The following MED12L variants were observed in gnomAD, a reference collection of about 807,000 sequenced individuals.
MED12L encodes mediator complex subunit 12L.
Under a neutral mutation model 281.3 loss-of-function variants are expected in MED12L, and 60 were observed. The observed-to-expected ratio is 0.21, with a 90% CI of 0.17 to 0.26. The LOEUF (loss-of-function observed/expected upper bound fraction) is 0.26. Among genes scored for constraint, MED12L ranks in the 10% least tolerant of loss-of-function variants. The probability of loss-of-function intolerance (pLI) is 1.00; values close to 1 mark genes in which losing one functional copy is unlikely to be tolerated. For synonymous variants in MED12L, 974 were observed against 987.2 expected, an observed-to-expected ratio of 0.99 and a Z score of 0.25; for missense variants, 2,146 against 2,680.9, an observed-to-expected ratio of 0.80 and a Z score of 4.41.
At chr3:151,201,940 T>C (rs954368411) in intron 16 of MED12L, among the ~76,000 whole-genome samples, 4 of 152,172 alleles carry the variant, frequency 2.6e-5, no homozygotes, top group African/African-American at 9.7e-5. Context: ...ATAAAATAAG[T>C]CTGTTGTATC....
chr3:151,395,501 T>TA (rs1265342687), intron 39 of MED12L, among the ~76,000 whole-genome samples: 1 of 152,220 alleles, frequency 6.6e-6, no homozygotes, highest in African/African-American at 2.4e-5. Flanking sequence ...CAGCACTTAG[T>TA]ATAAACTCAT....
chr3:151,175,772 G>A (rs1409349209), intron 11 of MED12L, among the ~76,000 whole-genome samples: 5 of 152,316 alleles, frequency 3.3e-5, no homozygotes, highest in African/African-American at 1.2e-4. Flanking sequence ...AAAGAAGAAT[G>A]TGGCAAATCC....
chr3:151,367,022 A>G (rs1207015823), intron 23 of MED12L, among the ~76,000 whole-genome samples: 3 of 152,154 alleles, frequency 2.0e-5, no homozygotes, highest in Non-Finnish European at 4.4e-5. Context: ...GAAGATTGCT[A>G]TTGTAGTTGT....
At position 151,387,982 on chromosome 3, in the gene MED12L, A is replaced by T. The variant is rs1457283073; in HGVS notation, c.5261A>T (p.Lys1754Met). The T allele has an allele frequency of 1.9e-6, 3 of 1,614,066 alleles. No homozygotes were observed. The South Asian group carries it at 3.3e-5, about 18-fold the overall frequency. Residue 1754 changes from lysine (K) to methionine (M), a missense_variant, in exon 37 of 45, where the codon AAG becomes ATG. By Grantham distance (95) the Lys-to-Met change is moderately conservative. Transcript: ENST00000687756. ...CTGTATCACACACACCCCATGCCCA[A>T]GCCCCGCAGTTACTACCTCCAGCCA... ...LLLYHTHPMP[K>M]PRSYYLQPLP...
chr3:151,358,901 A>G (rs1754271509), intron 20 of MED12L, among the ~76,000 whole-genome samples: 1 of 152,172 alleles, frequency 6.6e-6, no homozygotes, highest in African/African-American at 2.4e-5. Flanking sequence ...TTAGTCACAA[A>G]ATAATTTTTC....
intron 11 of MED12L, among the ~76,000 whole-genome samples, chr3:151,184,395 T>G (rs1325526276): frequency 6.6e-6 from 1 of 152,236 alleles, no homozygotes; most frequent in African/African-American, 2.4e-5. Context: ...AGTTTATGGA[T>G]TCTACAGTAT....
At position 151,085,765 on chromosome 3, in the gene MED12L, C is replaced by T. The variant is rs1302691767; in HGVS notation, c.-301C>T. On this transcript the variant is annotated 5_prime_UTR_variant, in exon 1 of 45. Coordinates refer to ENST00000687756, the MANE Select transcript of MED12L (RefSeq NM_001393769.1). ...GGCGGCGAGCCGGCGTCGCTCGCCG[C>T]CCCCAGACAGTGGCAAACTTCGCGG... The T allele has an allele frequency of 6.6e-6, 1 of 152,018 alleles. No individual in the cohort carries two copies. Among genetic ancestry groups the T allele is most frequent in the Admixed American group, 6.5e-5 (1 of 15,284 alleles). The allele number at this position is 152,018 out of a possible 1,614,324, so 9.4% of individuals were successfully genotyped here.
intron 16 of MED12L, among the ~76,000 whole-genome samples, chr3:151,300,509 C>A (rs1036153707): frequency 2.0e-5 from 3 of 152,192 alleles, no homozygotes; most frequent in Non-Finnish European, 4.4e-5. Context: ...TTCCCCCACC[C>A]CTTCCCCTGC....
chr3:151,212,021 C>T (rs1455474251), intron 16 of MED12L: 1 of 152,126 alleles, frequency 6.6e-6, no homozygotes, highest in Non-Finnish European at 1.5e-5. Context: ...ATTGTATTAG[C>T]ATGCATAATT....
intron 16 of MED12L, among the ~76,000 whole-genome samples, chr3:151,220,751 T>G (rs999301859): frequency 6.6e-6 from 1 of 152,186 alleles, no homozygotes; most frequent in African/African-American, 2.4e-5. Context: ...CCAGTAAACC[T>G]CTTTCTTTTG....
intron 16 of MED12L, among the ~76,000 whole-genome samples, chr3:151,347,857 T>C (rs1159126570): frequency 1.3e-5 from 2 of 152,008 alleles, no homozygotes; most frequent in Admixed American, 1.3e-4. Context: ...TTTAGAAAGG[T>C]TTATTATTCG....
At chr3:151,348,364 GAAAAAA>G (rs1752807376) in intron 16 of MED12L, among the ~76,000 whole-genome samples, 1 of 120,054 alleles carries the variant, frequency 8.3e-6, no homozygotes, top group South Asian at 2.5e-4. Context: ...AAAAAAAAAA[GAAAAAA>G]GAAATATATC....
At chr3:151,386,593 T>TTC (rs1351948315) in intron 36 of MED12L, among the ~76,000 whole-genome samples, 25 of 150,496 alleles carry the variant, frequency 1.7e-4, no homozygotes, top group African/African-American at 6.1e-4. Context: ...TTTTTTTTTT[T>TTC]CAAGACAGAG....
intron 16 of MED12L, among the ~76,000 whole-genome samples, chr3:151,285,836 C>T (rs560752605): frequency 5.3e-5 from 8 of 152,240 alleles, no homozygotes; most frequent in South Asian, 2.1e-4. Flanking sequence ...TTTGACCTTC[C>T]GCCATGTAAG....
intron 43 of MED12L, among the ~76,000 whole-genome samples, chr3:151,417,063 G>A (rs952729383): frequency 6.6e-6 from 1 of 152,106 alleles, no homozygotes; most frequent in Admixed American, 6.5e-5. Context: ...AGTTTTCAAA[G>A]AAGCATTTTA....
intron 16 of MED12L, among the ~76,000 whole-genome samples, chr3:151,194,402 A>T (rs1439091939): frequency 6.6e-6 from 1 of 152,216 alleles, no homozygotes; most frequent in East Asian, 1.9e-4. Context: ...ATTTTGAGGC[A>T]TAGGAAAGAC....
At chr3:151,303,239 G>A (rs1746178616) in intron 16 of MED12L, among the ~76,000 whole-genome samples, 1 of 152,158 alleles carries the variant, frequency 6.6e-6, no homozygotes, top group Admixed American at 6.5e-5. Context: ...CTCTTTCGCT[G>A]ATGTAGGACC....
chr3:151,189,676 G>A (rs1476404639), intron 13 of MED12L, among the ~76,000 whole-genome samples: 1 of 152,154 alleles, frequency 6.6e-6, no homozygotes, highest in Admixed American at 6.5e-5. Context: ...CAAGGTTTAG[G>A]GAACTGAGCT....
At chr3:151,290,837 T>G (rs1258813564) in intron 16 of MED12L, among the ~76,000 whole-genome samples, 1 of 152,208 alleles carries the variant, frequency 6.6e-6, no homozygotes, top group Non-Finnish European at 1.5e-5. Context: ...AGGACAAAAA[T>G]TGAATTTTCT....
Sources: allele counts gnomAD v4.1 joint callset (sites outside exome capture counted in the v4.1 genomes callset), GRCh38; gene constraint gnomAD v4.1.1; transcripts MANE v1.5; gene names NCBI Gene and HGNC (gene_info 2026-07-23, HGNC 2026-07-21).